The following DNAH5 variants were observed in gnomAD, a reference collection of about 807,000 sequenced individuals.
DNAH5 encodes dynein axonemal heavy chain 5.
In DNAH5, 372 loss-of-function variants were observed where a neutral mutation model predicts 518.2. That is an observed-to-expected ratio of 0.72 (90% confidence interval 0.66 to 0.78). The LOEUF (loss-of-function observed/expected upper bound fraction) is 0.78. DNAH5 is among the 30% of genes least tolerant of loss of function. DNAH5 has a pLI of 0.00. For synonymous variants in DNAH5, 2,039 were observed against 2,025.9 expected, an observed-to-expected ratio of 1.01 and a Z score of -0.17; for missense variants, 5,523 against 5,687.0, an observed-to-expected ratio of 0.97 and a Z score of 0.93.
intron 47 of DNAH5, among the ~76,000 whole-genome samples, chr5:13,804,060 T>G (rs1759182043): frequency 6.6e-6 from 1 of 152,218 alleles, no homozygotes; most frequent in Non-Finnish European, 1.5e-5. Flanking sequence ...TTGCTTAAAT[T>G]TCTACTTCTA....
chr5:13,843,592 G>A (rs907245839), intron 32 of DNAH5, among the ~76,000 whole-genome samples: 2 of 152,152 alleles, frequency 1.3e-5, no homozygotes, highest in African/African-American at 4.8e-5. Context: ...ATACATTTCT[G>A]TTGTTTTAAG....
Position 13,729,499 on chromosome 5 carries a change from T to G in DNAH5, c.11823A>C (p.Ile3941=). ...PPKPSKWILD[I]TWLNLVELSK... ...TAAGTTCCACCAAATTCAGCCATGT[T>G]ATGTCCAGGATCCATTTTGATGGTT... The change falls in exon 69 of 79, where the codon ATA becomes ATC. Residue 3941 remains isoleucine, a synonymous_variant. Coordinates refer to ENST00000265104, the MANE Select transcript of DNAH5 (RefSeq NM_001369.3). 6.2e-7 allele frequency: 1 copy of G among 1,614,078 alleles called. No homozygotes were observed.
intron 1 of DNAH5, among the ~76,000 whole-genome samples, chr5:13,998,280 T>C (rs1164247135): frequency 6.6e-6 from 1 of 152,222 alleles, no homozygotes; most frequent in Non-Finnish European, 1.5e-5. Flanking sequence ...CTGATGGGAC[T>C]AACAGACTTC....
intron 1 of DNAH5, among the ~76,000 whole-genome samples, chr5:14,001,573 C>T (rs560412350): frequency 9.9e-5 from 15 of 152,036 alleles, no homozygotes; most frequent in Non-Finnish European, 2.1e-4. Context: ...CTGTGTTAGC[C>T]AGAATGGTCT....
chr5:13,897,477 A>T (rs1271837962), intron 15 of DNAH5: 2 of 152,230 alleles, frequency 1.3e-5, no homozygotes, highest in Non-Finnish European at 2.9e-5. Flanking sequence ...TCCAGATTAA[A>T]TTGGCTTCAG....
At chr5:13,714,681 C>G in intron 74 of DNAH5, 61 bp from the exon 75 acceptor site, 2 of 1,546,468 alleles carry the variant, frequency 1.3e-6, no homozygotes, top group Admixed American at 1.8e-5. Context: ...CTAAATTACA[C>G]TATTTTAGGA....
At chr5:13,724,507 A>G (rs2652769) in intron 70 of DNAH5, among the ~76,000 whole-genome samples, 60,955 of 152,118 alleles carry the variant, frequency 0.4, 12,305 homozygotes, top group South Asian at 0.45. Context: ...TTAAGACTTT[A>G]GGGGACAGTT....
At chr5:13,873,062 C>T (rs1175427880) in intron 22 of DNAH5, among the ~76,000 whole-genome samples, 1 of 152,088 alleles carries the variant, frequency 6.6e-6, no homozygotes, top group South Asian at 2.1e-4. Context: ...GGCCACTATG[C>T]AATCTATACA....
At chr5:13,743,731 G>T (rs1748936050) in intron 65 of DNAH5, among the ~76,000 whole-genome samples, 1 of 152,024 alleles carries the variant, frequency 6.6e-6, no homozygotes, top group African/African-American at 2.4e-5. Context: ...AATGGTCGGG[G>T]AAATGCAAAT....
At chr5:13,859,320 A>T in intron 30 of DNAH5, 132 bp downstream of exon 30, 1 of 942,404 alleles carries the variant, frequency 1.1e-6, no homozygotes, top group Non-Finnish European at 1.7e-6. Flanking sequence ...TAACAGCATT[A>T]ACAGTGACAA....
chr5:13,934,064 C>CA lies in DNAH5; in HGVS notation c.58-2821dup, dbSNP rs1031522765. Reference sequence around the variant, plus strand: ...GGCTAGCCCTATGGCCAGTTTTCACCAAAAAAAAAATCTGAGGGTAAATGA... The same window carrying CA: ...GGCTAGCCCTATGGCCAGTTTTCACCAAAAAAAAAAATCTGAGGGTAAATGA... On this transcript the variant is annotated intron_variant, in intron 1 of 78. Transcript: ENST00000265104. Among the ~76,000 whole-genome samples the CA allele has an allele frequency of 9.0e-3, 1,332 of 148,370 alleles. 31 individuals carry two copies. The highest frequency in any genetic ancestry group is 8.8e-3 in the Non-Finnish European group (586 of 66,724).
chr5:13,850,963 G>A, intron 30 of DNAH5, 148 bp from the exon 31 acceptor site: 1 of 825,878 alleles, frequency 1.2e-6, no homozygotes, highest in Non-Finnish European at 2.1e-6. Flanking sequence ...ACATTTTATT[G>A]AAGTTCTTAT....
rs375099003 is a variant in DNAH5, at chr5:13,865,887, T to C, written c.4136A>G (p.Tyr1379Cys). ...TCCAGTATATGTGATGTATTTCCGATAGATATTATCAAATTGATTCTAATA... is the reference window on the plus strand; with the variant it reads ...TCCAGTATATGTGATGTATTTCCGACAGATATTATCAAATTGATTCTAATA... ...IMFQNQFDNI[Y>C]RKYITYTGGE... is the part of the protein sequence containing the mutation. The change falls in exon 27 of 79, where the codon TAT becomes TGT. Residue 1379 changes from tyrosine (Y) to cysteine (C), a missense_variant. Physicochemically the swap from Tyr to Cys is radical, Grantham distance 194 (BLOSUM62 -2). Around this residue, in one of 3 missense-constraint regions of DNAH5, gnomAD observed 5,121 missense variants for 5,223.3 expected, o/e 0.98. Transcript: ENST00000265104. The C allele has an allele frequency of 3.6e-5, 57 of 1,600,820 alleles. No homozygotes were observed. Among genetic ancestry groups the C allele is most frequent in the Non-Finnish European group, 4.6e-5 (54 of 1,168,344 alleles).
chr5:13,891,187 A>G, intron 16 of DNAH5, 66 bp from the exon 17 acceptor site: 2 of 1,536,174 alleles, frequency 1.3e-6, no homozygotes, highest in South Asian at 1.1e-5. Context: ...AAAAAAATCA[A>G]CACTTGATTA....
At chr5:13,983,873 C>A (rs573344211) in intron 1 of DNAH5, among the ~76,000 whole-genome samples, 1 of 152,212 alleles carries the variant, frequency 6.6e-6, no homozygotes, top group African/African-American at 2.4e-5. Flanking sequence ...CAGACGCAAG[C>A]GCTGGAACCA....
At chr5:13,897,730 G>T (rs559714158) in intron 15 of DNAH5, 1 of 152,198 alleles carries the variant, frequency 6.6e-6, no homozygotes, top group South Asian at 2.1e-4. Flanking sequence ...CAACCTCCAA[G>T]ATAATAAATG....
chr5:13,713,107 G>A (rs10043744), intron 75 of DNAH5, among the ~76,000 whole-genome samples: 1,443 of 139,932 alleles, frequency 0.01, 27 homozygotes, highest in African/African-American at 0.034. Flanking sequence ...GTGTGTGTGT[G>A]TATATATATA....
Position 13,770,988 on chromosome 5 carries a change from G to C in DNAH5, c.9374-8C>G, listed in dbSNP as rs770720842. The C allele has an allele frequency of 2.0e-5, 32 of 1,584,188 alleles. No homozygotes were observed. The highest frequency in any genetic ancestry group is 1.3e-4 in the Admixed American group (8 of 59,838). ...TGAGGAAGTGTTCAGACACTAGAGA[G>C]AATAAAGATGACAGTGTGTGAAATA... On this transcript the variant is annotated splice_region_variant and splice_polypyrimidine_tract_variant and intron_variant, in intron 55 of 78. Transcript: ENST00000265104.
Position 13,786,357 on chromosome 5 carries a change from G to T in DNAH5, c.8648-6C>A. The T allele has an allele frequency of 6.2e-7, 1 of 1,613,822 alleles. No individual in the cohort carries two copies. The highest frequency in any genetic ancestry group is 8.5e-7 in the Non-Finnish European group (1 of 1,179,936). ...AGCCTCTTCAGATGTTTCACCTTTG[G>T]TGGGAAATAAGAATCAGTTAAGTTT... On this transcript the variant is annotated splice_region_variant and splice_polypyrimidine_tract_variant and intron_variant, in intron 51 of 78. Coordinates refer to ENST00000265104, the MANE Select transcript of DNAH5 (RefSeq NM_001369.3).
Sources: allele counts gnomAD v4.1 joint callset (sites outside exome capture counted in the v4.1 genomes callset), GRCh38; gene constraint gnomAD v4.1.1; regional missense constraint gnomAD v4.1.1; transcripts MANE v1.5; gene names NCBI Gene and HGNC (gene_info 2026-07-23, HGNC 2026-07-21).